The following TAAR9 variants were observed in gnomAD, a reference collection of about 807,000 sequenced individuals.
The protein encoded by TAAR9 is trace amine associated receptor 9, also known as trace amine-associated receptor 9.
For synonymous variants in TAAR9, 162 were observed against 152.6 expected (o/e 1.06, Z -0.45); for missense variants, 453 against 409.4 (o/e 1.11, Z -0.92).
chr6:132,539,238 T>C (rs761403392), exon 1 of TAAR9: 3 of 1,612,656 alleles, frequency 1.9e-6, no homozygotes, highest in Admixed American at 3.3e-5. Flanking sequence ...CTTTTACCAA[T>C]GGTTTGGGAA....
At chr6:132,538,611 C>T in exon 1 of TAAR9, 1 of 1,589,436 alleles carries the variant, frequency 6.3e-7, no homozygotes, top group Non-Finnish European at 8.6e-7. Context: ...CTGTAAATTC[C>T]ATACATGTTT....
At chr6:132,538,922 C>A (rs141991091) in exon 1 of TAAR9, 1 of 1,590,574 alleles carries the variant, frequency 6.3e-7, no homozygotes, top group Non-Finnish European at 8.5e-7. Flanking sequence ...TACCCAATGT[C>A]GCCATGGTGT....
chr6:132,538,425 G>T (rs1206347251), exon 1 of TAAR9: 2 of 1,613,710 alleles, frequency 1.2e-6, no homozygotes, highest in South Asian at 1.1e-5. Context: ...GGCTGTGCTG[G>T]CAGCGTTTGG....
chr6:132,538,798 C>A, exon 1 of TAAR9: 1 of 1,613,834 alleles, frequency 6.2e-7, no homozygotes, highest in Non-Finnish European at 8.5e-7. Context: ...ATCTTTTACA[C>A]GGGAGCCAAC....
exon 1 of TAAR9, chr6:132,538,412 T>G (rs1776249356): frequency 6.2e-7 from 1 of 1,613,700 alleles, no homozygotes; most frequent in African/African-American, 1.3e-5. Flanking sequence ...TCCTTGGTTT[T>G]GGGGCTGTGC....
chr6:132,538,850 A>C, exon 1 of TAAR9: 1 of 1,613,688 alleles, frequency 6.2e-7, no homozygotes, highest in Non-Finnish European at 8.5e-7. Context: ...TAACCTGTGT[A>C]GGAGGCTGCC....
chr6:132,538,903 T>G (rs1239849966), exon 1 of TAAR9: 1 of 1,605,552 alleles, frequency 6.2e-7, no homozygotes, highest in Non-Finnish European at 8.5e-7. Flanking sequence ...TGTTTTCTTC[T>G]ATTCTTTATA....
At chr6:132,538,881 T>C (rs916699652) in exon 1 of TAAR9, 6 of 1,611,838 alleles carry the variant, frequency 3.7e-6, no homozygotes, top group Non-Finnish European at 5.1e-6. Context: ...GAATCAAAAC[T>C]GGGTCCTACT....
chr6:132,539,018 G>A, exon 1 of TAAR9: 3 of 1,529,784 alleles, frequency 2.0e-6, no homozygotes, highest in Non-Finnish European at 2.6e-6. Context: ...CCTCCTCAGA[G>A]AGTTACAAGG....
At chr6:132,539,123 A>C in exon 1 of TAAR9, 1 of 1,564,664 alleles carries the variant, frequency 6.4e-7, no homozygotes, top group Middle Eastern at 1.7e-4. Context: ...TCGTTGATGC[A>C]GTGATTGATG....
chr6:132,538,778 C>T, exon 1 of TAAR9: 1 of 1,613,842 alleles, frequency 6.2e-7, no homozygotes, highest in Non-Finnish European at 8.5e-7. Context: ...CTGTCACATA[C>T]AGCTTTTCGA....
chr6:132,538,621 T>C (rs1235991024), exon 1 of TAAR9: 1 of 1,592,430 alleles, frequency 6.3e-7, no homozygotes, highest in Non-Finnish European at 8.6e-7. Flanking sequence ...CATACATGTT[T>C]TGACACATCC....
exon 1 of TAAR9, chr6:132,538,876 A>G: frequency 1.2e-6 from 2 of 1,612,344 alleles, no homozygotes; most frequent in Non-Finnish European, 1.7e-6. Flanking sequence ...CCACTGAATC[A>G]AAACTGGGTC....
chr6:132,539,248 A>G, exon 1 of TAAR9: 1 of 1,613,064 alleles, frequency 6.2e-7, no homozygotes, highest in Non-Finnish European at 8.5e-7. Context: ...TGGTTTGGGA[A>G]GGCAATAAAA....
exon 1 of TAAR9, chr6:132,538,797 A>G: frequency 6.2e-7 from 1 of 1,613,690 alleles, no homozygotes; most frequent in Non-Finnish European, 8.5e-7. Context: ...GATCTTTTAC[A>G]CGGGAGCCAA....
chr6:132,539,019 A>C, exon 1 of TAAR9: 1 of 1,529,680 alleles, frequency 6.5e-7, no homozygotes, highest in Non-Finnish European at 8.7e-7. Flanking sequence ...CTCCTCAGAG[A>C]GTTACAAGGA....
rs1305008836 is a variant in TAAR9, at chr6:132,539,194, A to G, written c.905A>G (p.Tyr302Cys). 7 of 1,598,070 alleles carry G rather than the reference A, an allele frequency of 4.4e-6. No homozygotes were observed. Among genetic ancestry groups the G allele is most frequent in the Admixed American group, 3.6e-5 (2 of 55,786 alleles). The change falls in exon 1 of 1, where the codon TAT becomes TGT. Residue 302 changes from tyrosine to cysteine, a missense_variant. Tyr to Cys is a radical substitution (Grantham distance 194, BLOSUM62 -2). Transcript: ENST00000434551. ...GAGATTTTAGTTTGGTGTGTTTATT[A>G]TAATTCAGCTATGAACCCCTTGATT...
exon 1 of TAAR9, chr6:132,539,009 C>T: frequency 5.9e-6 from 9 of 1,530,664 alleles, no homozygotes; most frequent in Non-Finnish European, 6.1e-6. Context: ...AAGCTCAGTC[C>T]TCCTCAGAGA....
chr6:132,538,459 T>C (rs747723844), exon 1 of TAAR9: 11 of 1,613,526 alleles, frequency 6.8e-6, no homozygotes, highest in South Asian at 1.1e-5. Flanking sequence ...ATGATTGCTA[T>C]CCTTCACTTC....
Sources: gnomAD v4.1 joint callset for allele counts on GRCh38, gnomAD v4.1.1 for gene constraint, MANE v1.5 for transcripts, NCBI Gene and HGNC (gene_info 2026-07-23, HGNC 2026-07-21) for gene names.